SNX18: variants seen among roughly 807,000 people sequenced by gnomAD.
The protein encoded by SNX18 is sorting nexin-18.
Under a neutral mutation model 48.7 loss-of-function variants are expected in SNX18, and 35 were observed. That is an observed-to-expected ratio of 0.72 (90% CI 0.55 to 0.95). The LOEUF (loss-of-function observed/expected upper bound fraction) is 0.95. Among genes scored for constraint, SNX18 ranks in the 40% least tolerant of loss-of-function variants. The pLI is 0.00. For synonymous variants in SNX18, 492 were observed against 384.7 expected, an observed-to-expected ratio of 1.28 and a Z score of -3.26; for missense variants, 824 against 871.0, an observed-to-expected ratio of 0.95 and a Z score of 0.68.
the SNX18 span, among the ~76,000 whole-genome samples, chr5:54,588,213 T>G: frequency 1.3e-5 from 2 of 151,420 alleles, no homozygotes; most frequent in Non-Finnish European, 2.9e-5. Flanking sequence ...GGCAGTTGTA[T>G]CTAAGCAATT....
the SNX18 span, among the ~76,000 whole-genome samples, chr5:54,582,667 T>A: frequency 6.6e-6 from 1 of 152,096 alleles, no homozygotes; most frequent in Middle Eastern, 3.4e-3. Context: ...TGGTGTGCAC[T>A]TGTAATCTCA....
At chr5:54,630,259 A>C in the SNX18 span, among the ~76,000 whole-genome samples, 28 of 152,304 alleles carry the variant, frequency 1.8e-4, no homozygotes, top group African/African-American at 6.3e-4. Flanking sequence ...CAAAGTTGGA[A>C]GTCTTGGACT....
At position 54,519,564 on chromosome 5, in the gene SNX18, G is replaced by T; in HGVS notation, c.1612G>T (p.Val538Phe). The T allele has an allele frequency of 6.2e-7, 1 of 1,614,222 alleles. No homozygotes were observed. Among genetic ancestry groups the T allele is most frequent in the Non-Finnish European group, 8.5e-7 (1 of 1,180,038 alleles). ...GGCTAACTTCCCGGACATCATCCAC[G>T]TTCAGAAAGGTAAAGCCTGGCCCTT... ...HLANFPDIIH[V>F]QKGALTKVKE... Residue 538 changes from valine (V) to phenylalanine (F), a missense_variant, in exon 1 of 2, where the codon GTT (valine) becomes TTT (phenylalanine). Physicochemically the swap from Val to Phe is conservative, Grantham distance 50 (BLOSUM62 -1). Coordinates refer to ENST00000381410, the MANE Select transcript of SNX18 (RefSeq NM_001102575.2).
the SNX18 span, among the ~76,000 whole-genome samples, chr5:54,638,078 T>C: frequency 3.9e-5 from 6 of 152,354 alleles, no homozygotes; most frequent in South Asian, 1.2e-3. Context: ...GTCACCAAGG[T>C]GCGGGCTCCC....
At position 54,519,564 on chromosome 5, in the gene SNX18, G is replaced by A; in HGVS notation, c.1612G>A (p.Val538Ile). The A allele has an allele frequency of 6.2e-7, 1 of 1,614,222 alleles. No homozygotes were observed. Among genetic ancestry groups the A allele is most frequent in the Non-Finnish European group, 8.5e-7 (1 of 1,180,038 alleles). Residue 538 changes from valine to isoleucine, a missense_variant, in exon 1 of 2, where the codon GTT becomes ATT. This residue lies in a region of SNX18 where 443 missense variants were observed against 503.6 expected (regional missense o/e 0.88). Transcript: ENST00000381410. Reference sequence around the variant, plus strand: ...GGCTAACTTCCCGGACATCATCCACGTTCAGAAAGGTAAAGCCTGGCCCTT... The same window carrying A: ...GGCTAACTTCCCGGACATCATCCACATTCAGAAAGGTAAAGCCTGGCCCTT... ...HLANFPDIIH[V>I]QKGALTKVKE... is the part of the protein sequence containing the mutation.
chr5:54,635,047 A>G, the SNX18 span, among the ~76,000 whole-genome samples: 9 of 151,800 alleles, frequency 5.9e-5, no homozygotes, highest in South Asian at 1.9e-3. Context: ...TCCAGAATAT[A>G]TTTTTCTAGA....
Position 54,543,480 on chromosome 5 carries a change from A to G in SNX18, c.*48A>G. The G allele has an allele frequency of 3.2e-6, 5 of 1,586,308 alleles. No individual in the cohort carries two copies. Among genetic ancestry groups the G allele is most frequent in the South Asian group, 1.2e-5 (1 of 86,102 alleles). ...CTTTTTCAGTTCAAGGATAATTTCT[A>G]CAGCAGAATAAAAACTGCTGTCAAA... On this transcript the variant is annotated 3_prime_UTR_variant, in exon 2 of 2. Coordinates refer to ENST00000381410, the MANE Select transcript of SNX18 (RefSeq NM_001102575.2).
chr5:54,596,267 C>T, the SNX18 span, among the ~76,000 whole-genome samples: 5 of 151,998 alleles, frequency 3.3e-5, no homozygotes, highest in African/African-American at 1.2e-4. Flanking sequence ...TATAATATAA[C>T]ACAAATGAGC....
At chr5:54,610,039 G>A in the SNX18 span, among the ~76,000 whole-genome samples, 6 of 151,828 alleles carry the variant, frequency 4.0e-5, no homozygotes, top group East Asian at 3.9e-4. Context: ...CTTTCCCTTC[G>A]CCTTCCTCCA....
the SNX18 span, among the ~76,000 whole-genome samples, chr5:54,564,867 A>T: frequency 6.6e-6 from 1 of 151,286 alleles, no homozygotes; most frequent in Non-Finnish European, 1.5e-5. Flanking sequence ...AAAAACAAAC[A>T]AACAAAAACA....
At chr5:54,609,513 C>G in the SNX18 span, among the ~76,000 whole-genome samples, 2 of 152,066 alleles carry the variant, frequency 1.3e-5, no homozygotes, top group African/African-American at 4.8e-5. Flanking sequence ...GAGTCAGAGT[C>G]TTGCTATGTT....
the SNX18 span, among the ~76,000 whole-genome samples, chr5:54,577,275 T>C: frequency 6.6e-6 from 1 of 152,142 alleles, no homozygotes; most frequent in African/African-American, 2.4e-5. Context: ...CACAGGAATA[T>C]GTCATAGGAG....
chr5:54,543,021 T>G (rs1209563881), intron 1 of SNX18, among the ~76,000 whole-genome samples, 158 bp from the exon 2 acceptor site: 1 of 152,232 alleles, frequency 6.6e-6, no homozygotes, highest in African/African-American at 2.4e-5. Context: ...CCTTCTTTTT[T>G]TAAAATGAGT....
chr5:54,519,012 A>C lies in SNX18; in HGVS notation c.1060A>C (p.Lys354Gln). 6.2e-7 allele frequency: 1 copy of C among 1,613,452 alleles called. No individual in the cohort carries two copies. Among genetic ancestry groups the C allele is most frequent in the Non-Finnish European group, 8.5e-7 (1 of 1,179,730 alleles). Residue 354 changes from lysine (K) to glutamine (Q), a missense_variant, in exon 1 of 2, where the codon AAG (lysine) becomes CAG (glutamine). Physicochemically the swap from Lys to Gln is moderately conservative, Grantham distance 53. This residue lies in a region of SNX18 where 443 missense variants were observed against 503.6 expected (regional missense o/e 0.88). Transcript: ENST00000381410. ...FEEDFISKRR[K>Q]GLIWWMNHMA... is the part of the protein sequence containing the mutation. The stretch of plus-strand genomic sequence containing the variant: ...GGAGGACTTCATCTCTAAGCGCAGG[A>C]AGGGCCTGATCTGGTGGATGAACCA...
At chr5:54,567,459 A>G in the SNX18 span, among the ~76,000 whole-genome samples, 1 of 152,128 alleles carries the variant, frequency 6.6e-6, no homozygotes, top group African/African-American at 2.4e-5. Flanking sequence ...AGGAAGAAGG[A>G]GACCTGAAAC....
At chr5:54,524,384 A>G (rs889070415) in intron 1 of SNX18, among the ~76,000 whole-genome samples, 5 of 151,706 alleles carry the variant, frequency 3.3e-5, no homozygotes, top group Non-Finnish European at 7.4e-5. Flanking sequence ...GAGGACCTGC[A>G]CTCCCACCCT....
intron 1 of SNX18, among the ~76,000 whole-genome samples, chr5:54,521,933 C>T (rs529013408): frequency 6.6e-6 from 1 of 152,168 alleles, no homozygotes; most frequent in South Asian, 2.1e-4. Context: ...GAAAAACTTC[C>T]TTCATTAAAA....
At chr5:54,522,791 G>A (rs1762055548) in intron 1 of SNX18, among the ~76,000 whole-genome samples, 2 of 152,292 alleles carry the variant, frequency 1.3e-5, no homozygotes, top group Admixed American at 1.3e-4. Context: ...TTGGTGGGCT[G>A]AAATTTTCCT....
In SNX18 at chr5:54,518,616, T is replaced by C; in HGVS notation, c.664T>C (p.Ser222Pro). Residue 222 changes from serine to proline, a missense_variant, in exon 1 of 2, where the codon TCG becomes CCG. Physicochemically the swap from Ser to Pro is moderately conservative, Grantham distance 74. Around this residue, in one of 3 missense-constraint regions of SNX18, gnomAD observed 377 missense variants for 350.6 expected, o/e 1.08. Coordinates refer to ENST00000381410, the MANE Select transcript of SNX18 (RefSeq NM_001102575.2). ...PQHHPSGPKS[S>P]ATVSRNLNRF... is the part of the protein sequence containing the mutation. ...GCACCACCCGTCGGGGCCCAAGAGCTCGGCCACCGTGAGCCGCAACCTCAA... is the reference window on the plus strand; with the variant it reads ...GCACCACCCGTCGGGGCCCAAGAGCCCGGCCACCGTGAGCCGCAACCTCAA... The C allele has an allele frequency of 6.4e-7, 1 of 1,564,450 alleles. No individual in the cohort carries two copies. Among genetic ancestry groups the C allele is most frequent in the Non-Finnish European group, 8.6e-7 (1 of 1,156,674 alleles).
Sources: gnomAD v4.1 joint callset for allele counts (sites outside exome capture counted in the v4.1 genomes callset) on GRCh38, gnomAD v4.1.1 for gene constraint, gnomAD v4.1.1 regional missense constraint, MANE v1.5 for transcripts, NCBI Gene and HGNC (gene_info 2026-07-23, HGNC 2026-07-21) for gene names.